Variants in NCKAP5 observed in about 807,000 individuals in gnomAD.
NCKAP5 encodes the protein NCK associated protein 5.
In NCKAP5, 92 loss-of-function variants were observed where a neutral mutation model predicts 167.0. The observed-to-expected ratio is 0.55, with a 90% confidence interval of 0.47 to 0.66. NCKAP5 has a LOEUF of 0.66. Among genes scored for constraint, NCKAP5 ranks in the 30% least tolerant of loss-of-function variants. NCKAP5 has a pLI of 0.00. For synonymous variants in NCKAP5, 891 were observed against 877.4 expected (o/e 1.02, Z -0.27); for missense variants, 2,378 against 2,315.0 (o/e 1.03, Z -0.56).
chr2:132,788,015 C>T (rs1027087634), intron 13 of NCKAP5, among the ~76,000 whole-genome samples: 2 of 152,146 alleles, frequency 1.3e-5, no homozygotes, highest in Non-Finnish European at 2.9e-5. Context: ...CCTCCCAGGG[C>T]CCAGGCTCTC....
chr2:133,389,807 T>C (rs1410134268), intron 3 of NCKAP5, among the ~76,000 whole-genome samples: 1 of 152,190 alleles, frequency 6.6e-6, no homozygotes, highest in Non-Finnish European at 1.5e-5. Flanking sequence ...TGTTGAGCAA[T>C]GAACTCAATT....
rs371797170 is a variant in NCKAP5, at chr2:133,492,144, A to AGTGTGTGTGTGTGT, written c.69+25300_69+25313dup. Among the ~76,000 whole-genome samples the AGTGTGTGTGTGTGT allele has an allele frequency of 2.4e-3, 344 of 141,656 alleles. 3 individuals are homozygous for AGTGTGTGTGTGTGT. The highest frequency in any genetic ancestry group is 7.3e-3 in the African/African-American group (269 of 36,926). The allele number at this position is 141,656 out of a possible 152,430, so 92.9% of individuals were successfully genotyped here. A position where few individuals can be genotyped will look rare whatever the true frequency, so the allele number is the denominator to read the frequency against. On this transcript the variant is annotated intron_variant, in intron 3 of 19. Coordinates refer to ENST00000409261, the MANE Select transcript of NCKAP5 (RefSeq NM_207363.3). ...CCTGTATCCTATGCCATATCTAGTTAGTGTGTGTGTGTGTGTGTGTGTGTG... is the reference window on the plus strand; with the variant it reads ...CCTGTATCCTATGCCATATCTAGTTAGTGTGTGTGTGTGTGTGTGTGTGTGTGTGTGTGTGTGTG...
chr2:133,389,771 C>G (rs1687265867), intron 3 of NCKAP5, among the ~76,000 whole-genome samples: 1 of 152,204 alleles, frequency 6.6e-6, no homozygotes, highest in Non-Finnish European at 1.5e-5. Flanking sequence ...CTCTTCCCCT[C>G]CCTCTCCTTT....
At chr2:133,408,114 T>G (rs1006095808) in intron 3 of NCKAP5, among the ~76,000 whole-genome samples, 1 of 152,172 alleles carries the variant, frequency 6.6e-6, no homozygotes, top group Non-Finnish European at 1.5e-5. Flanking sequence ...AGCCAGGACC[T>G]GGGTCTGGTC....
At chr2:132,889,206 A>G (rs1024428201) in intron 8 of NCKAP5, among the ~76,000 whole-genome samples, 3 of 152,224 alleles carry the variant, frequency 2.0e-5, no homozygotes, top group Non-Finnish European at 4.4e-5. Flanking sequence ...CCAACATCAC[A>G]TAGATTGGAG....
chr2:133,320,537 G>T (rs1307818462), intron 3 of NCKAP5, among the ~76,000 whole-genome samples: 1 of 152,098 alleles, frequency 6.6e-6, no homozygotes, highest in Non-Finnish European at 1.5e-5. Flanking sequence ...GACCATCCTG[G>T]CTAACATGGT....
At chr2:132,724,854 A>T (rs72844767) in intron 19 of NCKAP5, among the ~76,000 whole-genome samples, 15,479 of 152,112 alleles carry the variant, frequency 0.1, 968 homozygotes, top group East Asian at 0.14. Flanking sequence ...GGAAATACAC[A>T]TGGCTACTAG....
At chr2:133,119,422 T>C (rs2082185034) in intron 6 of NCKAP5, among the ~76,000 whole-genome samples, 1 of 152,178 alleles carries the variant, frequency 6.6e-6, no homozygotes, top group Admixed American at 6.5e-5. Context: ...TGGCAGAGCA[T>C]GTCAATCTAT....
chr2:132,781,824 T>C, intron 14 of NCKAP5, 116 bp downstream of exon 14: 1 of 928,008 alleles, frequency 1.1e-6, no homozygotes, highest in Non-Finnish European at 1.6e-6. Context: ...ACTATTCATT[T>C]CTGCCTGTAT....
chr2:132,719,485 A>T (rs751920447), intron 19 of NCKAP5, among the ~76,000 whole-genome samples: 1 of 152,200 alleles, frequency 6.6e-6, no homozygotes, highest in Non-Finnish European at 1.5e-5. Flanking sequence ...TACCTAGGAG[A>T]GTGGACTGTG....
upstream of NCKAP5, among the ~76,000 whole-genome samples, chr2:133,569,126 C>A (rs1688755670): frequency 1.3e-5 from 2 of 152,080 alleles, no homozygotes; most frequent in African/African-American, 4.8e-5. Context: ...AAATAAGAAT[C>A]TGTGCCAAGT....
intron 8 of NCKAP5, among the ~76,000 whole-genome samples, chr2:132,895,848 C>T (rs1383588561): frequency 6.9e-6 from 1 of 144,348 alleles, no homozygotes; most frequent in Non-Finnish European, 1.5e-5. Flanking sequence ...AAAAAAAACA[C>T]AGTAGGCCAG....
chr2:133,604,404 C>T, the NCKAP5 span, among the ~76,000 whole-genome samples: 1 of 151,964 alleles, frequency 6.6e-6, no homozygotes, highest in Non-Finnish European at 1.5e-5. Flanking sequence ...TGGGGTTTCA[C>T]CATGTTGGCC....
At chr2:133,481,330 T>A (rs1286255193) in intron 3 of NCKAP5, among the ~76,000 whole-genome samples, 2 of 152,206 alleles carry the variant, frequency 1.3e-5, no homozygotes, top group Non-Finnish European at 2.9e-5. Context: ...TTATATATGA[T>A]TTTTAAATTT....
intron 6 of NCKAP5, among the ~76,000 whole-genome samples, chr2:133,025,837 T>A (rs1186088373): frequency 6.6e-6 from 1 of 152,202 alleles, no homozygotes; most frequent in Non-Finnish European, 1.5e-5. Context: ...AAAAAATTTT[T>A]AAGATCCACA....
intron 4 of NCKAP5, among the ~76,000 whole-genome samples, chr2:133,299,039 A>AAAATAAAT (rs370598080): frequency 6.3e-4 from 95 of 151,674 alleles, no homozygotes; most frequent in African/African-American, 2.3e-3. Context: ...TAAAAAAATA[A>AAAATAAAT]AAATAAATAA....
At chr2:132,780,979 G>A in intron 15 of NCKAP5, 73 bp downstream of exon 15, 1 of 1,449,040 alleles carries the variant, frequency 6.9e-7, no homozygotes, top group Non-Finnish European at 9.3e-7. Flanking sequence ...ATTTTCATTA[G>A]CAAACGGTAG....
At chr2:133,366,102 T>C (rs1024648744) in intron 3 of NCKAP5, among the ~76,000 whole-genome samples, 2 of 152,202 alleles carry the variant, frequency 1.3e-5, no homozygotes, top group Admixed American at 1.3e-4. Context: ...ACCTGCAGAA[T>C]TGGGAAAAAT....
intron 2 of NCKAP5, among the ~76,000 whole-genome samples, chr2:133,547,568 C>T (rs1481487049): frequency 6.6e-6 from 1 of 151,680 alleles, no homozygotes; most frequent in African/African-American, 2.4e-5. Context: ...GGGTCCCTGA[C>T]CCCTGACCCC....
Sources: allele counts gnomAD v4.1 joint callset (sites outside exome capture counted in the v4.1 genomes callset), GRCh38; gene constraint gnomAD v4.1.1; transcripts MANE v1.5; gene names NCBI Gene and HGNC (gene_info 2026-07-23, HGNC 2026-07-21).